AKAP9: variants seen among roughly 807,000 people sequenced by gnomAD.
AKAP9 encodes the protein A-kinase anchor protein 9.
A neutral mutation model predicts 488.5 loss-of-function variants in AKAP9; 311 were observed. That is an observed-to-expected ratio of 0.64 (90% CI 0.58 to 0.70). The LOEUF (loss-of-function observed/expected upper bound fraction) is 0.70, where lower values mean the gene tolerates loss of function less well. Ranked by LOEUF, AKAP9 falls within the 30% of genes least tolerant of loss-of-function variation. The pLI is 0.00. For missense variants in AKAP9, 4,215 were observed against 4,374.5 expected, an observed-to-expected ratio of 0.96 and a Z score of 1.03; for synonymous variants, 1,462 against 1,483.5, an observed-to-expected ratio of 0.99 and a Z score of 0.33.
chr7:92,062,827 G>A (rs1810118347), intron 24 of AKAP9, among the ~76,000 whole-genome samples: 1 of 152,166 alleles, frequency 6.6e-6, no homozygotes, highest in South Asian at 2.1e-4. Flanking sequence ...CAGCAAAAAT[G>A]TATACTTGGA....
chr7:92,106,632 A>G (rs1471775445), intron 47 of AKAP9, among the ~76,000 whole-genome samples: 1 of 152,238 alleles, frequency 6.6e-6, no homozygotes, highest in East Asian at 1.9e-4. Flanking sequence ...CCTTCTGTCT[A>G]CACCTAGAAG....
intron 45 of AKAP9, among the ~76,000 whole-genome samples, chr7:92,101,342 C>T (rs1489030617): frequency 1.3e-5 from 2 of 151,448 alleles, no homozygotes; most frequent in Non-Finnish European, 2.9e-5. Flanking sequence ...CTGTCCCAGG[C>T]AGGAGAATCG....
chr7:92,079,651 C>G lies in AKAP9; in HGVS notation c.7518C>G (p.Ser2506Arg), dbSNP rs1433869013. Residue 2506 changes from serine (S) to arginine (R), a missense_variant, in exon 31 of 50, where the codon AGC becomes AGG. Ser to Arg is a moderately radical substitution (Grantham distance 110). Around this residue, in one of 5 missense-constraint regions of AKAP9, gnomAD observed 1,476 missense variants for 1,477.4 expected, o/e 1.00. Transcript: ENST00000356239. ...NLETRLLQLE[S>R]TVSAKDLELT... Reference sequence around the variant, plus strand: ...AAACAAGGTTGCTACAACTTGAGAGCACTGTTAGTGCAAAGGACTTAGAAC... The same window carrying G: ...AAACAAGGTTGCTACAACTTGAGAGGACTGTTAGTGCAAAGGACTTAGAAC... The G allele has an allele frequency of 6.2e-7, 1 of 1,613,882 alleles. No homozygotes were observed. The highest frequency in any genetic ancestry group is 1.1e-5 in the South Asian group (1 of 91,078).
intron 1 of AKAP9, among the ~76,000 whole-genome samples, chr7:91,943,098 C>T (rs1355609924): frequency 6.6e-6 from 1 of 151,700 alleles, no homozygotes; most frequent in Non-Finnish European, 1.5e-5. Context: ...ACTCAGGAGT[C>T]TGAGGTGGGA....
intron 16 of AKAP9, among the ~76,000 whole-genome samples, chr7:92,034,500 T>TATATATA (rs374127163): frequency 3.5e-4 from 31 of 89,620 alleles, no homozygotes; most frequent in Admixed American, 8.6e-4. Flanking sequence ...ATATATATAT[T>TATATATA]TTTTTTTTTT....
At chr7:92,108,711 A>G (rs747915899) in intron 49 of AKAP9, 78 bp downstream of exon 49, 32 of 1,546,944 alleles carry the variant, frequency 2.1e-5, no homozygotes, top group African/African-American at 1.8e-4. Flanking sequence ...ATTCTTTCAC[A>G]CTCATTAGGA....
At chr7:91,946,126 T>C (rs570392918) in intron 1 of AKAP9, among the ~76,000 whole-genome samples, 6 of 152,364 alleles carry the variant, frequency 3.9e-5, no homozygotes, top group Admixed American at 1.3e-4. Context: ...ATATTGATTA[T>C]TGATAGCAGG....
chr7:92,023,535 AT>A (rs1187574675), intron 14 of AKAP9, among the ~76,000 whole-genome samples: 2 of 151,806 alleles, frequency 1.3e-5, no homozygotes, highest in Non-Finnish European at 2.9e-5. Flanking sequence ...AAGACGTCCT[AT>A]TTTCTCCACC....
At chr7:91,953,649 G>T (rs950506537) in intron 1 of AKAP9, among the ~76,000 whole-genome samples, 4 of 152,094 alleles carry the variant, frequency 2.6e-5, no homozygotes, top group South Asian at 2.1e-4. Flanking sequence ...GGAGCATAGA[G>T]GATTAAGCTA....
chr7:91,975,927 T>TTG (rs1287201806), intron 2 of AKAP9, among the ~76,000 whole-genome samples: 1 of 144,658 alleles, frequency 6.9e-6, no homozygotes, highest in Non-Finnish European at 1.5e-5. Flanking sequence ...GTTTGTTTGT[T>TTG]TTTTTTTTTT....
In AKAP9 at chr7:92,102,710, C is replaced by T. The variant is rs942397402; in HGVS notation, c.11214C>T (p.Ala3738=). ...GFQECEDATL[A]LLARMGGQPA... The stretch of plus-strand genomic sequence containing the variant: ...AGGAATGTGAAGATGCCACCTTGGC[C>T]CTGCTTGCCCGGATGGGGGGGCAGC... Residue 3738 remains alanine (A), a synonymous_variant, in exon 46 of 50, where the codon GCC becomes GCT. Coordinates refer to ENST00000356239, the MANE Select transcript of AKAP9 (RefSeq NM_005751.5). 4 of 1,614,038 alleles carry T rather than the reference C, an allele frequency of 2.5e-6. No homozygotes were observed. Among genetic ancestry groups the T allele is most frequent in the African/African-American group, 1.3e-5 (1 of 74,904 alleles).
chr7:92,033,422 TTTTTCTTTTC>T (rs1242512164), intron 16 of AKAP9, among the ~76,000 whole-genome samples: 36 of 150,816 alleles, frequency 2.4e-4, no homozygotes, highest in African/African-American at 8.3e-4. Flanking sequence ...CTGAGAGCCA[TTTTTCTTTTC>T]TTTTCTTTTC....
rs747394271 is a variant in AKAP9 at position 92,097,175 on chromosome 7, C to G, written c.10216C>G (p.His3406Asp). 2.5e-6 allele frequency: 4 copies of G among 1,613,918 alleles called. No homozygotes were observed. The highest frequency in any genetic ancestry group is 1.3e-5 in the African/African-American group (1 of 75,004). The part of the protein sequence containing the change: ...EANTEGQKKM[H>D]ELQSKVEDLQ... ...CAACACTGAGGGACAGAAAAAAATGCATGAGCTCCAGTCCAAAGTGGAAGA... is the reference window on the plus strand; with the variant it reads ...CAACACTGAGGGACAGAAAAAAATGGATGAGCTCCAGTCCAAAGTGGAAGA... The change falls in exon 41 of 50, where the codon CAT becomes GAT. Residue 3406 changes from histidine to aspartate, a missense_variant. His to Asp is a moderately conservative substitution (Grantham distance 81). Transcript: ENST00000356239.
intron 1 of AKAP9, among the ~76,000 whole-genome samples, chr7:91,961,843 C>CA (rs953221456): frequency 5.0e-4 from 67 of 135,334 alleles, no homozygotes; most frequent in East Asian, 4.3e-4. Context: ...GACTCCGTCT[C>CA]AAAAAAAAAA....
intron 20 of AKAP9, chr7:92,043,153 C>G (rs533488306): frequency 5.1e-4 from 97 of 190,824 alleles, no homozygotes; most frequent in Non-Finnish European, 9.1e-4. Context: ...ATATTTTAAA[C>G]TTTGTTTTGT....
chr7:92,107,535 A>G (rs906528612), intron 48 of AKAP9, 113 bp downstream of exon 48: 4 of 1,095,460 alleles, frequency 3.7e-6, no homozygotes, highest in Non-Finnish European at 4.0e-6. Context: ...CATCTTTGTT[A>G]TATATAATTT....
chr7:92,033,792 A>G (rs1366667659), intron 16 of AKAP9, among the ~76,000 whole-genome samples: 1 of 152,170 alleles, frequency 6.6e-6, no homozygotes, highest in Non-Finnish European at 1.5e-5. Flanking sequence ...AATAGTAGTG[A>G]TTTCCAGTAT....
intron 41 of AKAP9, 50 bp downstream of exon 41, chr7:92,097,407 C>T (rs1046898300): frequency 1.3e-6 from 2 of 1,589,632 alleles, no homozygotes; most frequent in Non-Finnish European, 1.7e-6. Flanking sequence ...CACTGCAGCC[C>T]TTTGATCATT....
chr7:92,028,003 TGCTCTC>T (rs1230111774), intron 14 of AKAP9, among the ~76,000 whole-genome samples: 1 of 152,112 alleles, frequency 6.6e-6, no homozygotes, highest in Non-Finnish European at 1.5e-5. Flanking sequence ...CCCAACCCCG[TGCTCTC>T]TGAAACATGT....
Sources: allele counts gnomAD v4.1 joint callset (sites outside exome capture counted in the v4.1 genomes callset), GRCh38; gene constraint gnomAD v4.1.1; regional missense constraint gnomAD v4.1.1; transcripts MANE v1.5; gene names NCBI Gene and HGNC (gene_info 2026-07-23, HGNC 2026-07-21).